The following PELI2 variants were observed in gnomAD, a reference collection of about 807,000 sequenced individuals.
PELI2 encodes the protein E3 ubiquitin-protein ligase pellino homolog 2.
Under a neutral mutation model 42.3 loss-of-function variants are expected in PELI2, and 23 were observed. The ratio of observed to expected loss-of-function variants is 0.54; its 90% confidence interval spans 0.39 to 0.77. The LOEUF (loss-of-function observed/expected upper bound fraction) is 0.77, where lower values mean the gene tolerates loss of function less well. PELI2 is among the 30% of genes least tolerant of loss of function. PELI2 has a pLI of 0.00. For synonymous variants in PELI2, 245 were observed against 212.2 expected, an observed-to-expected ratio of 1.15 and a Z score of -1.34; for missense variants, 463 against 553.2, an observed-to-expected ratio of 0.84 and a Z score of 1.64.
chr14:56,208,927 A>C (rs1329450583), intron 2 of PELI2, among the ~76,000 whole-genome samples: 1 of 152,214 alleles, frequency 6.6e-6, no homozygotes, highest in East Asian at 1.9e-4. Flanking sequence ...CCAGCGTTAA[A>C]ATTTAAGCTT....
At chr14:56,167,522 A>G (rs141715453) in intron 1 of PELI2, among the ~76,000 whole-genome samples, 413 of 152,282 alleles carry the variant, frequency 2.7e-3, no homozygotes, top group African/African-American at 9.0e-3. Flanking sequence ...TAGATTTTTA[A>G]TTATTTCAGT....
chr14:56,176,409 T>C (rs1885386543), intron 1 of PELI2, among the ~76,000 whole-genome samples: 2 of 152,240 alleles, frequency 1.3e-5, no homozygotes, highest in South Asian at 4.1e-4. Flanking sequence ...TGTTGGTGGC[T>C]TACATACAGG....
Position 56,171,192 on chromosome 14 carries a change from A to G in PELI2, c.78-7143A>G, listed in dbSNP as rs138024329. Reference sequence around the variant, plus strand: ...GTGTTGGAAACTTAATCCCCAATGCAACAGTGTTGAGAGGCGGGACCTATA... The same window carrying G: ...GTGTTGGAAACTTAATCCCCAATGCGACAGTGTTGAGAGGCGGGACCTATA... On this transcript the variant is annotated intron_variant, in intron 1 of 5. Coordinates refer to ENST00000267460, the MANE Select transcript of PELI2 (RefSeq NM_021255.3). 2.6e-5 allele frequency among the ~76,000 whole-genome samples: 4 copies of G among 152,304 alleles called. No individual in the cohort carries two copies. In the East Asian group the frequency reaches 7.7e-4, roughly 29 times the overall value.
intron 2 of PELI2, among the ~76,000 whole-genome samples, chr14:56,210,921 A>C (rs939772897): frequency 2.0e-5 from 3 of 152,172 alleles, no homozygotes; most frequent in Non-Finnish European, 4.4e-5. Context: ...TAAATAACTA[A>C]AAATAACTTT....
intron 1 of PELI2, among the ~76,000 whole-genome samples, chr14:56,166,026 T>A (rs968511650): frequency 6.6e-6 from 1 of 152,196 alleles, no homozygotes; most frequent in Non-Finnish European, 1.5e-5. Flanking sequence ...TTGTTATTTA[T>A]TTTGTGGTTG....
In PELI2 at chr14:56,146,108, A is replaced by T. The variant is rs938173515; in HGVS notation, c.77+27371A>T. Reference sequence around the variant, plus strand: ...TTGACTCATCCCGGCAGAGGTTTTTAAGTTCAGACTACCTCTCCTGCGTGG... The same window carrying T: ...TTGACTCATCCCGGCAGAGGTTTTTTAGTTCAGACTACCTCTCCTGCGTGG... On this transcript the variant is annotated intron_variant, in intron 1 of 5. Transcript: ENST00000267460. Among the ~76,000 whole-genome samples the T allele has an allele frequency of 4.6e-5, 7 of 152,192 alleles. No individual in the cohort carries two copies. In the East Asian group the frequency reaches 1.3e-3, roughly 29 times the overall value.
intron 1 of PELI2, among the ~76,000 whole-genome samples, chr14:56,146,225 C>T (rs1417947823): frequency 6.6e-6 from 1 of 152,100 alleles, no homozygotes; most frequent in Non-Finnish European, 1.5e-5. Flanking sequence ...CCTGTTGCCC[C>T]AAATGCATCA....
intron 1 of PELI2, among the ~76,000 whole-genome samples, chr14:56,129,955 A>G (rs974697707): frequency 1.4e-4 from 22 of 152,236 alleles, no homozygotes; most frequent in African/African-American, 5.3e-4. Context: ...TTCCCATCTC[A>G]ACTTCTGCCA....
chr14:56,152,089 A>C (rs1425502598), intron 1 of PELI2, among the ~76,000 whole-genome samples: 1 of 152,160 alleles, frequency 6.6e-6, no homozygotes, highest in East Asian at 1.9e-4. Flanking sequence ...AGGCCAGGGA[A>C]TGTGCTTTCA....
rs904899196 is a variant in PELI2, at chr14:56,297,145, T to C, written c.1242T>C (p.Ile414=). 8.7e-6 allele frequency: 14 copies of C among 1,600,760 alleles called. No homozygotes were observed. The highest frequency in any genetic ancestry group is 1.2e-5 in the Non-Finnish European group (14 of 1,179,418). The change falls in exon 6 of 6, where the codon ATT becomes ATC. Residue 414 remains isoleucine, a synonymous_variant. Coordinates refer to ENST00000267460, the MANE Select transcript of PELI2 (RefSeq NM_021255.3). ...GGGAGCAAAACTGCATCAAATTAAT[T>C]TTCCAAGGTCCAATTGACTGACGCC... The part of the protein sequence containing the change: ...LVGEQNCIKL[I]FQGPID
chr14:56,241,328 A>G (rs556611214), intron 2 of PELI2, among the ~76,000 whole-genome samples: 33 of 152,342 alleles, frequency 2.2e-4, no homozygotes, highest in Non-Finnish European at 4.4e-5. Flanking sequence ...GGGAAAAAGA[A>G]TATTTGGGAA....
In PELI2 at chr14:56,297,681, C is replaced by T. The variant is rs1254491821; in HGVS notation, c.*515C>T. ...TACAGTGTGACTGGTGGACAGATGG[C>T]CTTAGGCACAGGTGGTTTTGAAATC... is the stretch of plus-strand genomic sequence containing the variant. On this transcript the variant is annotated 3_prime_UTR_variant, in exon 6 of 6. Coordinates refer to ENST00000267460, the MANE Select transcript of PELI2 (RefSeq NM_021255.3). The T allele has an allele frequency of 6.6e-6, 1 of 152,032 alleles. No individual in the cohort carries two copies. Among genetic ancestry groups the T allele is most frequent in the Admixed American group, 6.6e-5 (1 of 15,254 alleles). 9.4% of individuals were successfully genotyped at this position (152,032 alleles called of 1,614,324 possible).
At chr14:56,174,569 C>T (rs963293492) in intron 1 of PELI2, among the ~76,000 whole-genome samples, 1 of 152,112 alleles carries the variant, frequency 6.6e-6, no homozygotes, top group Non-Finnish European at 1.5e-5. Flanking sequence ...GTTGGATTTC[C>T]CCCTTGCTGT....
At chr14:56,146,665 A>T in intron 1 of PELI2, among the ~76,000 whole-genome samples, 1 of 152,044 alleles carries the variant, frequency 6.6e-6, no homozygotes, top group East Asian at 1.9e-4. Flanking sequence ...ATTGGAATAT[A>T]GTACAAACTT....
At chr14:56,276,177 G>A (rs1479961576) in intron 2 of PELI2, among the ~76,000 whole-genome samples, 1 of 152,116 alleles carries the variant, frequency 6.6e-6, no homozygotes, top group Non-Finnish European at 1.5e-5. Context: ...GACCCAAGAA[G>A]GAAAGTGAAA....
At chr14:56,119,614 C>A (rs906546368) in intron 1 of PELI2, 3 of 208,502 alleles carry the variant, frequency 1.4e-5, no homozygotes, top group Non-Finnish European at 2.5e-5. Flanking sequence ...TCCTGAGTTT[C>A]CTTGTGACAT....
chr14:56,145,364 A>G (rs1266257265), intron 1 of PELI2, among the ~76,000 whole-genome samples: 1 of 152,150 alleles, frequency 6.6e-6, no homozygotes, highest in Non-Finnish European at 1.5e-5. Flanking sequence ...GGGGATTACA[A>G]TTCAGCATGA....
chr14:56,258,591 A>C lies in PELI2; in HGVS notation c.208-21085A>C, dbSNP rs188141834. Among the ~76,000 whole-genome samples, 122 of 151,326 alleles carry C rather than the reference A, an allele frequency of 8.1e-4. 1 individual carries two copies. The highest frequency in any genetic ancestry group is 2.9e-3 in the South Asian group (14 of 4,776). ...TAACATGTCTGAAATAAAAAAAAAAACACTGGATTGAGGTAGCAGTACATT... is the reference window on the plus strand; with the variant it reads ...TAACATGTCTGAAATAAAAAAAAAACCACTGGATTGAGGTAGCAGTACATT... On this transcript the variant is annotated intron_variant, in intron 2 of 5. Transcript: ENST00000267460.
intron 2 of PELI2, among the ~76,000 whole-genome samples, chr14:56,194,191 T>G (rs1417713685): frequency 6.6e-6 from 1 of 152,144 alleles, no homozygotes; most frequent in East Asian, 1.9e-4. Context: ...AATACACAGT[T>G]TACTTCCCAC....
Sources: gnomAD v4.1 joint callset for allele counts (sites outside exome capture counted in the v4.1 genomes callset) on GRCh38, gnomAD v4.1.1 for gene constraint, MANE v1.5 for transcripts, NCBI Gene and HGNC (gene_info 2026-07-23, HGNC 2026-07-21) for gene names.